VSNL1: variants seen among roughly 807,000 people sequenced by gnomAD.
VSNL1 encodes the protein visinin like 1.
A neutral mutation model predicts 20.4 loss-of-function variants in VSNL1; 6 were observed. That is an observed-to-expected ratio of 0.29 (90% CI 0.16 to 0.58). VSNL1 has a LOEUF of 0.58. VSNL1 is among the 20% of genes least tolerant of loss of function. The probability of loss-of-function intolerance (pLI) is 0.90; values close to 1 mark genes in which losing one functional copy is unlikely to be tolerated. For synonymous variants in VSNL1, 93 were observed against 86.4 expected, an observed-to-expected ratio of 1.08 and a Z score of -0.42; for missense variants, 100 against 234.5, an observed-to-expected ratio of 0.43 and a Z score of 3.75.
At chr2:17,638,326 T>C (rs777947378) in intron 2 of VSNL1, among the ~76,000 whole-genome samples, 3 of 152,240 alleles carry the variant, frequency 2.0e-5, no homozygotes, top group Non-Finnish European at 4.4e-5. Context: ...TGTGCTTACA[T>C]AGTGCCTGAC....
Position 17,642,309 on chromosome 2 carries a change from C to CTTTTTTTTTT in VSNL1, c.163-7093_163-7084dup, listed in dbSNP as rs577471307. ...CTGGCTTTTCCCATGGTGAGCATTC[C>CTTTTTTTTTT]TTTTTTTTTTTTTTTTTGAGACAGA... On this transcript the variant is annotated intron_variant, in intron 2 of 3. Transcript: ENST00000295156. Among the ~76,000 whole-genome samples, 156 of 93,218 alleles carry CTTTTTTTTTT rather than the reference C, an allele frequency of 1.7e-3. 19 individuals are homozygous for CTTTTTTTTTT. Among genetic ancestry groups the CTTTTTTTTTT allele is most frequent in the African/African-American group, 3.8e-3 (100 of 26,176 alleles). 61.2% of individuals were successfully genotyped at this position (93,218 alleles called of 152,430 possible). A position where few individuals can be genotyped will look rare whatever the true frequency, so the allele number is the denominator to read the frequency against.
At chr2:17,579,216 T>C (rs555672515) in intron 1 of VSNL1, among the ~76,000 whole-genome samples, 2 of 152,076 alleles carry the variant, frequency 1.3e-5, no homozygotes, top group African/African-American at 4.8e-5. Context: ...CCCGGGTTCA[T>C]GCCATTCTCC....
At chr2:17,625,213 G>A (rs779466770) in intron 2 of VSNL1, among the ~76,000 whole-genome samples, 30 of 152,284 alleles carry the variant, frequency 2.0e-4, no homozygotes, top group South Asian at 2.1e-4. Context: ...CCCCAGCCAC[G>A]TGGAACTCTA....
intron 1 of VSNL1, among the ~76,000 whole-genome samples, chr2:17,584,956 T>C (rs747102654): frequency 7.2e-5 from 11 of 152,176 alleles, no homozygotes; most frequent in Non-Finnish European, 1.3e-4. Context: ...TGCTTTCACC[T>C]TCAGGTGTTT....
intron 3 of VSNL1, among the ~76,000 whole-genome samples, chr2:17,654,548 C>T (rs899928288): frequency 1.3e-5 from 2 of 152,122 alleles, no homozygotes; most frequent in African/African-American, 2.4e-5. Context: ...TGAACCTATT[C>T]CTAATCCATT....
At chr2:17,571,077 C>T (rs1423042800) in intron 1 of VSNL1, among the ~76,000 whole-genome samples, 15 of 151,992 alleles carry the variant, frequency 9.9e-5, no homozygotes, top group Non-Finnish European at 2.2e-4. Context: ...GTAATATTTC[C>T]CTTTTTCAAA....
At position 17,655,678 on chromosome 2, in the gene VSNL1, G is replaced by A. The variant is rs1666216773; in HGVS notation, c.*284G>A. 29 of 315,050 alleles carry A rather than the reference G, an allele frequency of 9.2e-5. No individual in the cohort carries two copies. The South Asian group carries it at 1.4e-3, about 15-fold the overall frequency. The allele number at this position is 315,050 out of a possible 1,614,324, so 19.5% of individuals were successfully genotyped here. On this transcript the variant is annotated 3_prime_UTR_variant, in exon 4 of 4. Transcript: ENST00000295156. The surrounding 1 kb of genome is among the most constrained non-coding windows in gnomAD (Gnocchi z 5.2). ...AAAATCCCTCTTCCTCCAAAGCCTG[G>A]GCAGAAATGTGCTGCAAAGAGTTAT...
Position 17,592,141 on chromosome 2 carries a change from A to G in VSNL1, c.67A>G (p.Asn23Asp), listed in dbSNP as rs2103376080. Residue 23 changes from asparagine (N) to aspartate (D), a missense_variant, in exon 2 of 4, where the codon AAT (asparagine) becomes GAT (aspartate). Coordinates refer to ENST00000295156, the MANE Select transcript of VSNL1 (RefSeq NM_003385.5). ...MEDLVKSTEF[N>D]EHELKQWYKG... ...GGACCTGGTGAAGAGCACAGAGTTTAATGAGCATGAACTCAAGCAGTGGTA... is the reference window on the plus strand; with the variant it reads ...GGACCTGGTGAAGAGCACAGAGTTTGATGAGCATGAACTCAAGCAGTGGTA... The G allele has an allele frequency of 6.2e-7, 1 of 1,613,948 alleles. No individual in the cohort carries two copies. The highest frequency in any genetic ancestry group is 2.2e-5 in the East Asian group (1 of 44,872).
At chr2:17,643,424 C>G (rs992396333) in intron 2 of VSNL1, among the ~76,000 whole-genome samples, 1 of 152,144 alleles carries the variant, frequency 6.6e-6, no homozygotes, top group East Asian at 1.9e-4. Context: ...GCAGCACAGC[C>G]GGCTTCAGGC....
chr2:17,576,966 T>A (rs1449762747), intron 1 of VSNL1, among the ~76,000 whole-genome samples: 1 of 152,236 alleles, frequency 6.6e-6, no homozygotes, highest in Non-Finnish European at 1.5e-5. Flanking sequence ...TTCTGAGAAA[T>A]GTATCATTGT....
chr2:17,562,437 C>G (rs1424573794), intron 1 of VSNL1, among the ~76,000 whole-genome samples: 2 of 151,998 alleles, frequency 1.3e-5, no homozygotes, highest in African/African-American at 4.8e-5. Context: ...AAATAAGAAA[C>G]AAAGCTAATA....
At chr2:17,627,542 G>A (rs1665540964) in intron 2 of VSNL1, among the ~76,000 whole-genome samples, 1 of 152,172 alleles carries the variant, frequency 6.6e-6, no homozygotes, top group Non-Finnish European at 1.5e-5. Flanking sequence ...GTGGGTAGGG[G>A]TCCAGTGAAT....
At chr2:17,615,516 G>A (rs966606897) in intron 2 of VSNL1, among the ~76,000 whole-genome samples, 2 of 152,166 alleles carry the variant, frequency 1.3e-5, no homozygotes, top group Non-Finnish European at 2.9e-5. Context: ...CTCTGGAAAA[G>A]GTAAAAATTC....
intron 2 of VSNL1, among the ~76,000 whole-genome samples, chr2:17,636,915 C>G (rs973673539): frequency 6.6e-6 from 1 of 152,192 alleles, no homozygotes; most frequent in Non-Finnish European, 1.5e-5. Context: ...TCACAGAAAG[C>G]CAGACCTGGA....
chr2:17,561,434 C>G (rs938398192), intron 1 of VSNL1, among the ~76,000 whole-genome samples: 14 of 152,110 alleles, frequency 9.2e-5, no homozygotes, highest in Admixed American at 3.3e-4. Context: ...GTGAATGGCA[C>G]TAGATACTAG....
chr2:17,582,264 G>A (rs894706501), intron 1 of VSNL1, among the ~76,000 whole-genome samples: 5 of 152,160 alleles, frequency 3.3e-5, no homozygotes, highest in Non-Finnish European at 5.9e-5. Flanking sequence ...GAGGGAAAGT[G>A]TAGGCCCAAG....
intron 3 of VSNL1, among the ~76,000 whole-genome samples, chr2:17,652,612 C>A (rs1052999062): frequency 1.3e-5 from 2 of 152,206 alleles, no homozygotes; most frequent in Admixed American, 6.5e-5. Context: ...GGACAACAGG[C>A]TTCCTGAATG....
At chr2:17,568,934 C>T (rs1271643771) in intron 1 of VSNL1, among the ~76,000 whole-genome samples, 2 of 152,156 alleles carry the variant, frequency 1.3e-5, no homozygotes, top group African/African-American at 4.8e-5. Flanking sequence ...TGACTTTAGA[C>T]TAATGGCTCT....
chr2:17,608,343 G>A (rs1195582438), intron 2 of VSNL1, among the ~76,000 whole-genome samples: 4 of 152,196 alleles, frequency 2.6e-5, no homozygotes, highest in East Asian at 3.8e-4. Context: ...CCAGGAGCAC[G>A]ATAAATGATG....
Sources: allele counts gnomAD v4.1 joint callset (sites outside exome capture counted in the v4.1 genomes callset), GRCh38; gene constraint gnomAD v4.1.1; non-coding constraint Gnocchi (gnomAD v3.1); transcripts MANE v1.5; gene names NCBI Gene and HGNC (gene_info 2026-07-23, HGNC 2026-07-21).